The following ITGA7 variants were observed in gnomAD, a reference collection of about 807,000 sequenced individuals.
ITGA7 encodes integrin subunit alpha 7.
Under a neutral mutation model 131.6 loss-of-function variants are expected in ITGA7, and 84 were observed. The ratio of observed to expected loss-of-function variants is 0.64; its 90% CI spans 0.54 to 0.77. The LOEUF (loss-of-function observed/expected upper bound fraction) is 0.77, where lower values mean the gene tolerates loss of function less well. ITGA7 is among the 30% of genes least tolerant of loss of function. The probability of loss-of-function intolerance (pLI) is 0.00; values close to 1 mark genes in which losing one functional copy is unlikely to be tolerated. For missense variants in ITGA7, 1,399 were observed against 1,482.9 expected, an observed-to-expected ratio of 0.94 and a Z score of 0.93; for synonymous variants, 548 against 600.7, an observed-to-expected ratio of 0.91 and a Z score of 1.28.
chr12:55,707,350 G>A (rs1746278437), intron 1 of ITGA7, 127 bp downstream of exon 1: 2 of 757,878 alleles, frequency 2.6e-6, no homozygotes, highest in Non-Finnish European at 4.4e-6. Context: ...GTTGGGATGT[G>A]GGATGTCTGT....
chr12:55,714,720 A>ATATACATACATATATACACACATATACG (rs1876383603), upstream of ITGA7, among the ~76,000 whole-genome samples: 1 of 140,094 alleles, frequency 7.1e-6, no homozygotes, highest in African/African-American at 2.9e-5. Context: ...ACATATATAC[A>ATATACATACATATATACACACATATACG]TATACATACA....
upstream of ITGA7, among the ~76,000 whole-genome samples, chr12:55,708,637 G>A (rs1397359343): frequency 2.6e-5 from 4 of 152,216 alleles, no homozygotes. Flanking sequence ...AAACGACTGG[G>A]GATGATTACA....
At chr12:55,698,980 C>G in intron 5 of ITGA7, 63 bp from the exon 6 acceptor site, 1 of 1,439,964 alleles carries the variant, frequency 6.9e-7, no homozygotes, top group Non-Finnish European at 9.5e-7. Flanking sequence ...GGGTGTGTCA[C>G]AGCTCCCCCA....
chr12:55,691,091 C>T (rs1412786790), intron 21 of ITGA7, among the ~76,000 whole-genome samples: 5 of 150,486 alleles, frequency 3.3e-5, no homozygotes, highest in African/African-American at 1.2e-4. Context: ...GCACATTGTG[C>T]ACATGTACCC....
At chr12:55,701,447 A>C (rs774784356) in intron 3 of ITGA7, 1 of 1,550,694 alleles carries the variant, frequency 6.4e-7, no homozygotes, top group South Asian at 1.2e-5. Context: ...CAATTAAGCC[A>C]CCACATAGGA....
At chr12:55,686,948 C>T (rs534989844) in intron 24 of ITGA7, among the ~76,000 whole-genome samples, 1 of 152,226 alleles carries the variant, frequency 6.6e-6, no homozygotes, top group South Asian at 2.1e-4. Flanking sequence ...TACCATGGTC[C>T]TGCTGGACCC....
chr12:55,700,813 T>C, intron 4 of ITGA7, 86 bp downstream of exon 4: 3 of 1,548,474 alleles, frequency 1.9e-6, no homozygotes, highest in Non-Finnish European at 2.7e-6. Flanking sequence ...CATGTGGTCA[T>C]GCTTGGCCAT....
chr12:55,713,671 A>T (rs1317384968), upstream of ITGA7, among the ~76,000 whole-genome samples: 1 of 152,258 alleles, frequency 6.6e-6, no homozygotes, highest in African/African-American at 2.4e-5. Flanking sequence ...TACAGTACAC[A>T]TATAATTTAG....
intron 24 of ITGA7, chr12:55,686,410 G>A: frequency 3.0e-6 from 2 of 665,972 alleles, no homozygotes; most frequent in South Asian, 3.3e-5. Flanking sequence ...TTCCTTCCAT[G>A]GGAGCAGGGA....
rs200827653 is a variant in ITGA7, at chr12:55,685,146, C to A, written c.3326G>T (p.Arg1109Leu). 2.5e-6 allele frequency: 4 copies of A among 1,613,790 alleles called. No individual in the cohort carries two copies. The highest frequency in any genetic ancestry group is 3.4e-6 in the Non-Finnish European group (4 of 1,180,008). ...GATGGGGTGTGCATCCGGGCCCTCC[C>A]GCCGGGGGCTGCCCCAGTTGTTCCT... Reference protein sequence around the residue: ...ILRNNWGSPRREGPDAHPILA... With the variant: ...ILRNNWGSPRLEGPDAHPILA... The change falls in exon 25 of 25, where the codon CGG becomes CTG. Residue 1109 changes from arginine to leucine, a missense_variant. By Grantham distance (102) the Arg-to-Leu change is moderately radical. Transcript: ENST00000257879.
chr12:55,695,605 G>A lies in ITGA7; in HGVS notation c.1920C>T (p.Asp640=). 6.2e-7 allele frequency: 1 copy of A among 1,612,848 alleles called. No individual in the cohort carries two copies. Among genetic ancestry groups the A allele is most frequent in the East Asian group, 2.2e-5 (1 of 44,826 alleles). ...GCTGCAGATTGCTCTGGCAGATCTT[G>A]TCTTCACCACAGCCTTGCTTCAGGA... is the stretch of plus-strand genomic sequence containing the variant. ...IHFLKQGCGE[D]KICQSNLQLV... Residue 640 remains aspartate (D), a synonymous_variant, in exon 14 of 25, where the codon GAC becomes GAT. Transcript: ENST00000257879.
At position 55,688,046 on chromosome 12, in the gene ITGA7, C is replaced by T. The variant is rs1439804414; in HGVS notation, c.3108G>A (p.Val1036=). Residue 1036 remains valine (V), a synonymous_variant, in exon 24 of 25, where the codon GTG becomes GTA. Coordinates refer to ENST00000257879, the MANE Select transcript of ITGA7 (RefSeq NM_002206.3). ...LDPMAVVAEG[V]PWWVILLAVL... is the part of the protein sequence containing the mutation. ...CAGCCAGGAGGATGACCCACCAGGG[C>T]ACTCCTTCTGCCACCACAGCCATGG... 1 of 1,614,190 alleles carries T rather than the reference C, an allele frequency of 6.2e-7. No individual in the cohort carries two copies. The highest frequency in any genetic ancestry group is 8.5e-7 in the Non-Finnish European group (1 of 1,180,030).
intron 21 of ITGA7, among the ~76,000 whole-genome samples, 186 bp downstream of exon 21, chr12:55,692,658 T>C (rs1364961985): frequency 1.3e-5 from 2 of 152,136 alleles, no homozygotes; most frequent in African/African-American, 4.8e-5. Flanking sequence ...GAGTGAGCAA[T>C]TGCAGGGGCT....
At position 55,697,005 on chromosome 12, in the gene ITGA7, G is replaced by T; in HGVS notation, c.1631C>A (p.Thr544Lys). ...RRLRGQVPRV[T>K]FLSRNLEEPK... ...TTCTTCCAGGTTACGGCTCAGGAAC[G>T]TCACACGGGGAACCTGGCCCCGGAG... Residue 544 changes from threonine to lysine, a missense_variant, in exon 12 of 25, where the codon ACG (threonine) becomes AAG (lysine). Coordinates refer to ENST00000257879, the MANE Select transcript of ITGA7 (RefSeq NM_002206.3). 1 of 1,614,116 alleles carries T rather than the reference G, an allele frequency of 6.2e-7. No homozygotes were observed. Among genetic ancestry groups the T allele is most frequent in the Non-Finnish European group, 8.5e-7 (1 of 1,180,018 alleles).
rs565879205 is a variant in ITGA7, at chr12:55,697,464, C to A, written c.1492G>T (p.Gly498Cys). The A allele has an allele frequency of 6.2e-7, 1 of 1,614,050 alleles. No individual in the cohort carries two copies. Among genetic ancestry groups the A allele is most frequent in the African/African-American group, 1.3e-5 (1 of 75,042 alleles). ...IDLEQPNCAG[G>C]HSVCVDLRVC... is the part of the protein sequence containing the mutation. ...ATCCCACCTCACCAGACCGAGTGGC[C>A]GCCAGCACAGTTGGGCTGCTCCAGG... The change falls in exon 10 of 25, where the codon GGC (glycine) becomes TGC (cysteine). Residue 498 changes from glycine to cysteine, a missense_variant. Physicochemically the swap from Gly to Cys is radical, Grantham distance 159 (BLOSUM62 -3). Transcript: ENST00000257879.
chr12:55,714,155 T>G (rs1876328422), upstream of ITGA7, among the ~76,000 whole-genome samples: 1 of 152,140 alleles, frequency 6.6e-6, no homozygotes, highest in African/African-American at 2.4e-5. Context: ...GGCGGGCAGA[T>G]TACCTGAGGT....
chr12:55,684,827 A>G lies in ITGA7; in HGVS notation c.*231T>C. 4 of 566,458 alleles carry G rather than the reference A, an allele frequency of 7.1e-6. No homozygotes were observed. The South Asian group carries it at 9.8e-5, about 14-fold the overall frequency. 35.1% of individuals were successfully genotyped at this position (566,458 alleles called of 1,614,324 possible). ...GCATCAGGACACCCCTGCCCTTCTC[A>G]CCCTACCCCATGGCCCTGTCCCTGA... On this transcript the variant is annotated 3_prime_UTR_variant, in exon 25 of 25. Transcript: ENST00000257879.
chr12:55,702,903 A>C lies in ITGA7; in HGVS notation c.383T>G (p.Val128Gly). The change falls in exon 3 of 25, where the codon GTT (valine) becomes GGT (glycine). Residue 128 changes from valine (V) to glycine (G), a missense_variant. Physicochemically the swap from Val to Gly is moderately radical, Grantham distance 109 (BLOSUM62 -3). Coordinates refer to ENST00000257879, the MANE Select transcript of ITGA7 (RefSeq NM_002206.3). ...SKENQWLGVS[V>G]RSQGPGGKIV... ...CTTGCCCCCAGGCCCCTGGCTCCGAACACTGACTCCCAACCACTGGTTCTC... is the reference window on the plus strand; with the variant it reads ...CTTGCCCCCAGGCCCCTGGCTCCGACCACTGACTCCCAACCACTGGTTCTC... The C allele has an allele frequency of 6.2e-7, 1 of 1,613,166 alleles. No individual in the cohort carries two copies. The highest frequency in any genetic ancestry group is 1.1e-5 in the South Asian group (1 of 91,078).
At position 55,688,244 on chromosome 12, in the gene ITGA7, C is replaced by T; in HGVS notation, c.3015G>A (p.Lys1005=). The change falls in exon 23 of 25, where the codon AAG becomes AAA. Residue 1005 remains lysine, a synonymous_variant. Coordinates refer to ENST00000257879, the MANE Select transcript of ITGA7 (RefSeq NM_002206.3). The stretch of plus-strand genomic sequence containing the variant: ...GGAGCATCAAGTTCTTTATGGAGGA[C>T]TTCACTGTGATGTTGGCCCGGACAA... ...EVIVRANITV[K]SSIKNLMLRD... The T allele has an allele frequency of 1.9e-6, 3 of 1,614,174 alleles. No homozygotes were observed. Among genetic ancestry groups the T allele is most frequent in the Non-Finnish European group, 2.5e-6 (3 of 1,180,024 alleles).
Sources: allele counts gnomAD v4.1 joint callset (sites outside exome capture counted in the v4.1 genomes callset), GRCh38; gene constraint gnomAD v4.1.1; transcripts MANE v1.5; gene names NCBI Gene and HGNC (gene_info 2026-07-23, HGNC 2026-07-21).